The following SRBD1 variants were observed in gnomAD, a reference collection of about 807,000 sequenced individuals.
SRBD1 encodes the protein S1 RNA binding domain 1.
SRBD1 carries 88 observed loss-of-function variants against 115.3 expected under a neutral mutation model. The ratio of observed to expected loss-of-function variants is 0.76; its 90% CI spans 0.64 to 0.91. The LOEUF (loss-of-function observed/expected upper bound fraction) is 0.91, where lower values mean the gene tolerates loss of function less well. SRBD1 is among the 40% of genes least tolerant of loss of function. SRBD1 has a pLI of 0.00. For missense variants in SRBD1, 1,385 were observed against 1,177.4 expected (o/e 1.18, Z -2.58); for synonymous variants, 509 against 407.7 (o/e 1.25, Z -2.99).
chr2:45,483,703 T>C (rs542726997), intron 15 of SRBD1, among the ~76,000 whole-genome samples: 34 of 152,240 alleles, frequency 2.2e-4, no homozygotes, highest in African/African-American at 7.9e-4. Context: ...ATCCTTCTCC[T>C]TGACATCAGA....
intron 4 of SRBD1, among the ~76,000 whole-genome samples, chr2:45,590,168 A>G (rs1572815080): frequency 6.6e-6 from 1 of 152,246 alleles, no homozygotes; most frequent in Non-Finnish European, 1.5e-5. Flanking sequence ...TGCAAAAATC[A>G]TAACTGAGAA....
At chr2:45,515,307 G>C (rs1488680557) in intron 14 of SRBD1, among the ~76,000 whole-genome samples, 1 of 152,084 alleles carries the variant, frequency 6.6e-6, no homozygotes, top group East Asian at 1.9e-4. Context: ...CTGAAGAAAC[G>C]AAGGTAGAGA....
intron 14 of SRBD1, among the ~76,000 whole-genome samples, chr2:45,521,165 T>TC (rs1356279367): frequency 6.6e-6 from 1 of 151,920 alleles, no homozygotes; most frequent in East Asian, 1.9e-4. Context: ...CAGGGAAGTC[T>TC]CCCGTTCCAA....
chr2:45,392,828 T>C (rs753007040), intron 20 of SRBD1, 117 bp downstream of exon 20: 10 of 970,396 alleles, frequency 1.0e-5, no homozygotes, highest in East Asian at 5.3e-5. Context: ...TTTTCTCATG[T>C]ATAAAATGGG....
At chr2:45,467,752 A>G (rs1297627558) in intron 16 of SRBD1, among the ~76,000 whole-genome samples, 3 of 152,172 alleles carry the variant, frequency 2.0e-5, no homozygotes, top group Non-Finnish European at 4.4e-5. Context: ...TATGAAATGT[A>G]TATTTAAATT....
At chr2:45,572,453 C>T (rs1673049145) in intron 9 of SRBD1, among the ~76,000 whole-genome samples, 3 of 151,626 alleles carry the variant, frequency 2.0e-5, no homozygotes, top group African/African-American at 7.3e-5. Context: ...TTCATCTTAC[C>T]ACAATTAAAC....
intron 1 of SRBD1, among the ~76,000 whole-genome samples, chr2:45,606,727 C>A (rs1674286053): frequency 6.6e-6 from 1 of 152,104 alleles, no homozygotes; most frequent in Non-Finnish European, 1.5e-5. Flanking sequence ...AATAAAATTA[C>A]TTTAGCTGTT....
At chr2:45,587,393 A>G (rs764046941) in intron 4 of SRBD1, among the ~76,000 whole-genome samples, 5 of 151,764 alleles carry the variant, frequency 3.3e-5, no homozygotes, top group Non-Finnish European at 7.4e-5. Context: ...AAAGTTTACA[A>G]AAGTCAGCCC....
intron 2 of SRBD1, 95 bp from the exon 3 acceptor site, chr2:45,602,178 A>C: frequency 2.9e-6 from 4 of 1,396,180 alleles, no homozygotes; most frequent in Non-Finnish European, 3.9e-6. Flanking sequence ...ATGATAAAGT[A>C]GGAGGTGTTT....
chr2:45,396,916 T>TTGCCC (rs1301289183), intron 19 of SRBD1, among the ~76,000 whole-genome samples: 1 of 152,088 alleles, frequency 6.6e-6, no homozygotes, highest in East Asian at 1.9e-4. Context: ...TTAATATTAG[T>TTGCCC]ACGTGCTTTG....
At chr2:45,595,067 T>C (rs546241888) in intron 4 of SRBD1, among the ~76,000 whole-genome samples, 62 of 152,324 alleles carry the variant, frequency 4.1e-4, no homozygotes, top group African/African-American at 1.3e-3. Flanking sequence ...AGAACACTTA[T>C]CCTATTTTAT....
At chr2:45,490,429 A>G (rs1398987790) in intron 14 of SRBD1, among the ~76,000 whole-genome samples, 1 of 152,178 alleles carries the variant, frequency 6.6e-6, no homozygotes, top group Non-Finnish European at 1.5e-5. Context: ...CAGGATAAGA[A>G]TATTTAGCCA....
intron 15 of SRBD1, among the ~76,000 whole-genome samples, chr2:45,484,187 C>T (rs776803314): frequency 2.6e-5 from 4 of 151,938 alleles, no homozygotes; most frequent in Non-Finnish European, 5.9e-5. Flanking sequence ...TGTTAGGTGA[C>T]CTCTGACTGT....
intron 6 of SRBD1, 138 bp downstream of exon 6, chr2:45,581,555 A>G: frequency 1.6e-6 from 1 of 623,348 alleles, no homozygotes; most frequent in Non-Finnish European, 2.7e-6. Flanking sequence ...TTATTGAATA[A>G]AGAATAAATA....
rs1427871265 is a variant in SRBD1, at chr2:45,479,241, C to A, written c.1967-2166G>T. Among the ~76,000 whole-genome samples the A allele has an allele frequency of 2.0e-5, 3 of 152,252 alleles. No individual in the cohort carries two copies. The East Asian group carries it at 5.8e-4, about 29-fold the overall frequency. On this transcript the variant is annotated intron_variant, in intron 15 of 20. Transcript: ENST00000263736. ...CCAATAAATAACCCTACAATGGCCT[C>A]TTAAGTGTTCAAGTAAAAGGAAGAG...
At chr2:45,435,412 C>G (rs1209682487) in intron 16 of SRBD1, among the ~76,000 whole-genome samples, 2 of 151,952 alleles carry the variant, frequency 1.3e-5, no homozygotes, top group African/African-American at 4.8e-5. Flanking sequence ...GTTGGGATTC[C>G]TGAAGGTTTT....
At chr2:45,515,850 T>A (rs972645791) in intron 14 of SRBD1, among the ~76,000 whole-genome samples, 1 of 152,210 alleles carries the variant, frequency 6.6e-6, no homozygotes, top group Admixed American at 6.5e-5. Flanking sequence ...CTGTCAACAA[T>A]TTCTATCATC....
chr2:45,608,884 T>C (rs1190132432), intron 1 of SRBD1, among the ~76,000 whole-genome samples: 1 of 151,870 alleles, frequency 6.6e-6, no homozygotes, highest in Non-Finnish European at 1.5e-5. Flanking sequence ...CTCAGCTCAC[T>C]GCAAACTCTG....
chr2:45,413,323 T>C (rs1385041892), intron 18 of SRBD1, 30 bp from the exon 19 acceptor site: 1 of 1,594,294 alleles, frequency 6.3e-7, no homozygotes, highest in East Asian at 2.2e-5. Flanking sequence ...ACCACATTTA[T>C]GAAAAGGGGA....
Sources: allele counts gnomAD v4.1 joint callset (sites outside exome capture counted in the v4.1 genomes callset), GRCh38; gene constraint gnomAD v4.1.1; transcripts MANE v1.5; gene names NCBI Gene and HGNC (gene_info 2026-07-23, HGNC 2026-07-21).